The following GPATCH11 variants were observed in gnomAD, a reference collection of about 807,000 sequenced individuals.
The protein encoded by GPATCH11 is G patch domain-containing protein 11.
GPATCH11 carries 32 observed loss-of-function variants against 44.8 expected under a neutral mutation model. The ratio of observed to expected loss-of-function variants is 0.71; its 90% CI spans 0.54 to 0.96. The LOEUF (loss-of-function observed/expected upper bound fraction) is 0.96, where lower values mean the gene tolerates loss of function less well. GPATCH11 is among the 40% of genes least tolerant of loss of function. GPATCH11 has a pLI of 0.00. For synonymous variants in GPATCH11, 84 were observed against 94.4 expected (o/e 0.89, Z 0.64); for missense variants, 324 against 303.1 (o/e 1.07, Z -0.51).
chr2:37,089,491 C>A, intron 2 of GPATCH11, 149 bp from the exon 3 acceptor site: 1 of 624,074 alleles, frequency 1.6e-6, no homozygotes, highest in Non-Finnish European at 2.8e-6. Context: ...CGGTTGAACC[C>A]AGGAGGCGGA....
chr2:37,089,830 A>G lies in GPATCH11; in HGVS notation c.250A>G (p.Met84Val). 2 of 1,551,752 alleles carry G rather than the reference A, an allele frequency of 1.3e-6. No homozygotes were observed. Among genetic ancestry groups the G allele is most frequent in the Non-Finnish European group, 1.7e-6 (2 of 1,147,010 alleles). Residue 84 changes from methionine (M) to valine (V), a missense_variant, in exon 3 of 9, where the codon ATG becomes GTG. Met to Val is a conservative substitution (Grantham distance 21, BLOSUM62 1). Transcript: ENST00000674370. Reference protein sequence around the residue: ...ENKGFALLQKMGYKSGQALGK... With the variant: ...ENKGFALLQKVGYKSGQALGK... The stretch of plus-strand genomic sequence containing the variant: ...CAAAGGGTTTGCCTTGCTCCAAAAG[A>G]TGGGCTATAAAAGTGGTCAGGCACT...
At chr2:37,095,633 A>T in intron 8 of GPATCH11, 115 bp downstream of exon 8, 2 of 1,170,206 alleles carry the variant, frequency 1.7e-6, no homozygotes, top group Middle Eastern at 2.7e-4. Context: ...GCAGTATGGG[A>T]CCAATTTCTT....
chr2:37,090,409 G>A (rs1037759315), intron 3 of GPATCH11, among the ~76,000 whole-genome samples: 4 of 152,100 alleles, frequency 2.6e-5, no homozygotes, highest in Non-Finnish European at 4.4e-5. Context: ...GGCTGTCACC[G>A]TCTTGCACCA....
Position 37,089,943 on chromosome 2 carries a change from T to G in GPATCH11, c.286+77T>G. On this transcript the variant is annotated intron_variant, in intron 3 of 8. Transcript: ENST00000674370. ...TATGGATAAGGACCAAAGCTGATGC[T>G]TTAATCTTTATCTACACAGAAATTA... is the stretch of plus-strand genomic sequence containing the variant. 3 of 970,164 alleles carry G rather than the reference T, an allele frequency of 3.1e-6. No homozygotes were observed. The South Asian group carries it at 4.4e-5, about 14-fold the overall frequency. 60.1% of individuals were successfully genotyped at this position (970,164 alleles called of 1,614,324 possible).
rs1673611246 is a variant in GPATCH11 at position 37,096,844 on chromosome 2, G to A, written c.*581G>A. 6.6e-6 allele frequency: 1 copy of A among 152,228 alleles called. No homozygotes were observed. The highest frequency in any genetic ancestry group is 1.5e-5 in the Non-Finnish European group (1 of 68,082). The allele number at this position is 152,228 out of a possible 1,614,324, so 9.4% of individuals were successfully genotyped here. On this transcript the variant is annotated 3_prime_UTR_variant, in exon 9 of 9. Transcript: ENST00000674370. ...ATGGGATAAGACAGTTCTCTCTTGG[G>A]AAGGAATGAATGAGGGTTCAGAGAG...
chr2:37,095,872 T>A (rs1411516187), intron 8 of GPATCH11, among the ~76,000 whole-genome samples: 3 of 152,178 alleles, frequency 2.0e-5, no homozygotes, highest in Non-Finnish European at 4.4e-5. Context: ...TATACTTAGA[T>A]AGAATATTGC....
rs902292363 is a variant in GPATCH11 at position 37,097,099 on chromosome 2, T to C, written c.*836T>C. 7 of 152,186 alleles carry C rather than the reference T, an allele frequency of 4.6e-5. No individual in the cohort carries two copies. Among genetic ancestry groups the C allele is most frequent in the African/African-American group, 1.7e-4 (7 of 41,444 alleles). 9.4% of individuals were successfully genotyped at this position (152,186 alleles called of 1,614,324 possible). A position where few individuals can be genotyped will look rare whatever the true frequency, so the allele number is the denominator to read the frequency against. ...TATGTGATCTGTTGGAAGTTTTGGC[T>C]AGAGAAACTTAATTGTGAGGAAATT... On this transcript the variant is annotated 3_prime_UTR_variant, in exon 9 of 9. Coordinates refer to ENST00000674370, the MANE Select transcript of GPATCH11 (RefSeq NM_174931.4).
chr2:37,087,065 A>G (rs1673084569), intron 1 of GPATCH11, among the ~76,000 whole-genome samples: 1 of 152,172 alleles, frequency 6.6e-6, no homozygotes, highest in African/African-American at 2.4e-5. Context: ...GGCCATCCAC[A>G]GCCCAGCTTC....
At chr2:37,092,811 T>C (rs900180140) in intron 6 of GPATCH11, among the ~76,000 whole-genome samples, 1 of 152,180 alleles carries the variant, frequency 6.6e-6, no homozygotes. Flanking sequence ...GAATAGCCTA[T>C]TTTCAGTTCC....
chr2:37,086,773 T>TG (rs1303752349), intron 1 of GPATCH11, among the ~76,000 whole-genome samples: 1 of 152,228 alleles, frequency 6.6e-6, no homozygotes, highest in African/African-American at 2.4e-5. Context: ...CACTCCAGCC[T>TG]GGGTGATAGA....
At chr2:37,089,323 T>G (rs2148637857) in intron 2 of GPATCH11, among the ~76,000 whole-genome samples, 1 of 152,284 alleles carries the variant, frequency 6.6e-6, no homozygotes, top group South Asian at 2.1e-4. Flanking sequence ...TCCCAGCACT[T>G]TGAGAGGCTG....
chr2:37,088,081 G>A (rs1198636436), intron 1 of GPATCH11, among the ~76,000 whole-genome samples: 1 of 152,172 alleles, frequency 6.6e-6, no homozygotes, highest in Admixed American at 6.5e-5. Flanking sequence ...TAGAGAAAAC[G>A]TCTGTGAGGA....
rs1433456860 is a variant in GPATCH11 at position 37,088,426 on chromosome 2, C to T, written c.45C>T (p.Ser15=). 1 of 1,557,776 alleles carries T rather than the reference C, an allele frequency of 6.4e-7. No homozygotes were observed. The highest frequency in any genetic ancestry group is 8.8e-7 in the Non-Finnish European group (1 of 1,134,128). ...AAGAAGAGGACTATATGTCTGATTC[C>T]TTCATTAATGTCCAGTAAGTAAATG... ...MAEEEDYMSD[S]FINVQEDIRP... is the part of the protein sequence containing the mutation. The change falls in exon 2 of 9, where the codon TCC becomes TCT. Residue 15 remains serine, a synonymous_variant. Transcript: ENST00000674370.
At chr2:37,094,574 C>A (rs1673480810) in intron 7 of GPATCH11, among the ~76,000 whole-genome samples, 1 of 152,112 alleles carries the variant, frequency 6.6e-6, no homozygotes, top group South Asian at 2.1e-4. Flanking sequence ...TACCTTATTT[C>A]CTGCAAAACT....
At chr2:37,086,543 C>T (rs1572974254) in intron 1 of GPATCH11, among the ~76,000 whole-genome samples, 1 of 152,060 alleles carries the variant, frequency 6.6e-6, no homozygotes, top group African/African-American at 2.4e-5. Context: ...GCCTGTAATC[C>T]CAGCACTTTG....
At chr2:37,087,322 A>G (rs928032007) in intron 1 of GPATCH11, among the ~76,000 whole-genome samples, 1 of 152,204 alleles carries the variant, frequency 6.6e-6, no homozygotes, top group Non-Finnish European at 1.5e-5. Context: ...GATGGTAGGC[A>G]GGAAAAAACA....
chr2:37,092,277 A>G (rs1673366573), intron 6 of GPATCH11, 22 bp downstream of exon 6: 5 of 1,300,126 alleles, frequency 3.8e-6, no homozygotes, highest in Non-Finnish European at 4.0e-6. Context: ...ACCAGCTTTC[A>G]GTTTAGTAAA....
intron 4 of GPATCH11, among the ~76,000 whole-genome samples, chr2:37,091,449 A>G (rs538765246): frequency 3.3e-5 from 5 of 152,096 alleles, no homozygotes; most frequent in African/African-American, 7.2e-5. Context: ...AGTCCTTGCT[A>G]TTCAGGAGGC....
rs1673758013 is a variant in GPATCH11 at position 37,099,167 on chromosome 2, C to A, written c.*2904C>A. ...TTTTCTTAATTAAAAATCCAGAATT[C>A]TGTAGTTTCTGAAATTCAAAATAAA... On this transcript the variant is annotated 3_prime_UTR_variant, in exon 9 of 9. Transcript: ENST00000674370. 6.6e-6 allele frequency: 1 copy of A among 152,134 alleles called. No individual in the cohort carries two copies. The highest frequency in any genetic ancestry group is 2.1e-4 in the South Asian group (1 of 4,838). The allele number at this position is 152,134 out of a possible 1,614,324, so 9.4% of individuals were successfully genotyped here. A position where few individuals can be genotyped will look rare whatever the true frequency, so the allele number is the denominator to read the frequency against.
Sources: gnomAD v4.1 joint callset for allele counts (sites outside exome capture counted in the v4.1 genomes callset) on GRCh38, gnomAD v4.1.1 for gene constraint, MANE v1.5 for transcripts, NCBI Gene and HGNC (gene_info 2026-07-23, HGNC 2026-07-21) for gene names.